Variants in LITAF observed in about 807,000 individuals in gnomAD.
The protein encoded by LITAF is lipopolysaccharide-induced tumor necrosis factor-alpha factor.
Under a neutral mutation model 14.5 loss-of-function variants are expected in LITAF, and 9 were observed. That is an observed-to-expected ratio of 0.62 (90% CI 0.37 to 1.08). The LOEUF is 1.08. LITAF is among the 50% of genes least tolerant of loss of function. The pLI, the probability that LITAF is intolerant of heterozygous loss-of-function variation, is 0.01. For synonymous variants in LITAF, 98 were observed against 88.2 expected (o/e 1.11, Z -0.62); for missense variants, 206 against 213.4 (o/e 0.97, Z 0.22).
At chr16:11,627,740 A>G (rs1235070675) in intron 3 of LITAF, among the ~76,000 whole-genome samples, 7 of 152,206 alleles carry the variant, frequency 4.6e-5, no homozygotes, top group Non-Finnish European at 1.0e-4. Context: ...GCTACTCTGG[A>G]GGCTGACGCA....
chr16:11,624,124 AAAAT>A (rs1298660121), intron 3 of LITAF, among the ~76,000 whole-genome samples: 3 of 152,072 alleles, frequency 2.0e-5, no homozygotes, highest in East Asian at 3.9e-4. Context: ...ATTTCTACCA[AAAAT>A]AAATAAATAA....
intron 1 of LITAF, among the ~76,000 whole-genome samples, chr16:11,572,736 C>T (rs1040222863): frequency 1.1e-4 from 17 of 152,238 alleles, no homozygotes; most frequent in African/African-American, 3.4e-4. Context: ...CTGAATACAA[C>T]GTAGAACCCC....
intron 2 of LITAF, chr16:11,556,153 C>T (rs972097612): frequency 2.6e-5 from 11 of 416,486 alleles, no homozygotes; most frequent in East Asian, 2.5e-4. Flanking sequence ...ATTCCTACCT[C>T]GGCCCTGGCC....
At chr16:11,617,738 T>A (rs1174532658) in intron 3 of LITAF, among the ~76,000 whole-genome samples, 1 of 152,106 alleles carries the variant, frequency 6.6e-6, no homozygotes, top group Non-Finnish European at 1.5e-5. Context: ...ATGGTTTCAA[T>A]CTTTCAGGCA....
At chr16:11,598,906 A>C (rs942053394), upstream of LITAF, among the ~76,000 whole-genome samples, 1 of 146,416 alleles carries the variant, frequency 6.8e-6, no homozygotes, top group African/African-American at 2.5e-5. Context: ...TGCAACCTCC[A>C]CCTCCCGGGT....
intron 1 of LITAF, among the ~76,000 whole-genome samples, chr16:11,560,981 T>C (rs958490018): frequency 6.6e-5 from 10 of 152,150 alleles, no homozygotes; most frequent in African/African-American, 2.2e-4. Context: ...CGGGAACCCC[T>C]GACATCTGCT....
chr16:11,619,172 G>A (rs575082943), intron 3 of LITAF, among the ~76,000 whole-genome samples: 14 of 152,076 alleles, frequency 9.2e-5, no homozygotes, highest in African/African-American at 3.1e-4. Context: ...TTAGCTTGGT[G>A]TGGTGGCGCT....
At chr16:11,637,946 C>CTA (rs1307620064), upstream of LITAF, among the ~76,000 whole-genome samples, 3 of 59,074 alleles carry the variant, frequency 5.1e-5, no homozygotes, top group East Asian at 4.0e-4. Flanking sequence ...ATCTATATAT[C>CTA]TATATATATC....
intron 3 of LITAF, among the ~76,000 whole-genome samples, chr16:11,615,977 A>G (rs950222482): frequency 6.6e-6 from 1 of 152,188 alleles, no homozygotes; most frequent in East Asian, 1.9e-4. Context: ...ACCAATGGCC[A>G]TGATTTAATC....
At chr16:11,568,091 C>G (rs2064482911) in intron 1 of LITAF, among the ~76,000 whole-genome samples, 1 of 152,098 alleles carries the variant, frequency 6.6e-6, no homozygotes, top group African/African-American at 2.4e-5. Flanking sequence ...AGTTCGAGAC[C>G]AGCCTGGGCA....
At chr16:11,613,149 C>T (rs923830400) in intron 3 of LITAF, among the ~76,000 whole-genome samples, 4 of 152,182 alleles carry the variant, frequency 2.6e-5, no homozygotes, top group Non-Finnish European at 4.4e-5. Flanking sequence ...AAGCGATTCT[C>T]CTGCCTCATC....
At chr16:11,637,898 C>CTATA (rs370179228), upstream of LITAF, among the ~76,000 whole-genome samples, 9 of 27,238 alleles carry the variant, frequency 3.3e-4, no homozygotes, top group African/African-American at 2.3e-3. Context: ...AAAAAAAAAA[C>CTATA]TATATATATA....
chr16:11,624,912 G>A (rs2065074464), intron 3 of LITAF, among the ~76,000 whole-genome samples: 1 of 152,098 alleles, frequency 6.6e-6, no homozygotes, highest in Non-Finnish European at 1.5e-5. Context: ...GACCCTCCTG[G>A]CGTGCTGCCT....
chr16:11,569,901 G>T (rs1289028281), intron 1 of LITAF, among the ~76,000 whole-genome samples: 1 of 152,090 alleles, frequency 6.6e-6, no homozygotes, highest in Non-Finnish European at 1.5e-5. Context: ...AGGTGTGGTG[G>T]TGCTTGAATG....
chr16:11,636,053 C>G (rs780900738), intron 1 of LITAF: 1 of 152,256 alleles, frequency 6.6e-6, no homozygotes, highest in Non-Finnish European at 1.5e-5. Context: ...GAACCGCCAT[C>G]TGTACTGGGC....
intron 2 of LITAF, among the ~76,000 whole-genome samples, chr16:11,554,204 C>A (rs928975159): frequency 6.6e-6 from 1 of 152,098 alleles, no homozygotes; most frequent in East Asian, 1.9e-4. Flanking sequence ...TGCTCTCCAG[C>A]CTGGACAACA....
intron 1 of LITAF, among the ~76,000 whole-genome samples, chr16:11,563,869 G>A (rs1237121810): frequency 6.6e-6 from 1 of 151,960 alleles, no homozygotes; most frequent in African/African-American, 2.4e-5. Flanking sequence ...GGGGTGGGGG[G>A]CGTGCTTGTC....
At chr16:11,607,427 G>C (rs957617826) in intron 3 of LITAF, among the ~76,000 whole-genome samples, 1 of 152,082 alleles carries the variant, frequency 6.6e-6, no homozygotes, top group Non-Finnish European at 1.5e-5. Flanking sequence ...TTCAATTTTG[G>C]GTCAGTGAGA....
chr16:11,619,602 T>C (rs2065038197), intron 3 of LITAF, among the ~76,000 whole-genome samples: 1 of 151,966 alleles, frequency 6.6e-6, no homozygotes, highest in Non-Finnish European at 1.5e-5. Flanking sequence ...AGTCTCAGTC[T>C]ATTGACCAGG....
Sources: gnomAD v4.1 joint callset for allele counts (sites outside exome capture counted in the v4.1 genomes callset) on GRCh38, gnomAD v4.1.1 for gene constraint, MANE v1.5 for transcripts, NCBI Gene and HGNC (gene_info 2026-07-23, HGNC 2026-07-21) for gene names.